SLC5A4: variants seen among roughly 807,000 people sequenced by gnomAD.
The protein encoded by SLC5A4 is solute carrier family 5 member 4, also known as probable glucose sensor protein SLC5A4.
Under a neutral mutation model 70.3 loss-of-function variants are expected in SLC5A4, and 55 were observed. That is an observed-to-expected ratio of 0.78 (90% CI 0.63 to 0.98). The LOEUF is 0.98. Among genes scored for constraint, SLC5A4 ranks in the 50% least tolerant of loss-of-function variants. SLC5A4 has a pLI of 0.00. For synonymous variants in SLC5A4, 268 were observed against 305.7 expected, an observed-to-expected ratio of 0.88 and a Z score of 1.29; for missense variants, 735 against 839.2, an observed-to-expected ratio of 0.88 and a Z score of 1.53.
At chr22:32,330,826 GT>G in the SLC5A4 span, among the ~76,000 whole-genome samples, 1 of 72,818 alleles carries the variant, frequency 1.4e-5, no homozygotes, top group Admixed American at 1.6e-4. Context: ...GGAGGCTCTG[GT>G]GTGTGTGTGT....
At chr22:32,290,158 T>C in the SLC5A4 span, among the ~76,000 whole-genome samples, 2 of 152,206 alleles carry the variant, frequency 1.3e-5, no homozygotes, top group South Asian at 2.1e-4. Flanking sequence ...AGTACACATG[T>C]GCCGTGGTGG....
At chr22:32,295,064 T>C in the SLC5A4 span, among the ~76,000 whole-genome samples, 1 of 98,840 alleles carries the variant, frequency 1.0e-5, no homozygotes, top group Non-Finnish European at 2.2e-5. Context: ...CAGTCTATCA[T>C]TGTTGGACAT....
the SLC5A4 span, chr22:32,273,048 A>C: frequency 1.3e-3 from 664 of 528,220 alleles, 4 homozygotes; most frequent in African/African-American, 0.012. Flanking sequence ...GAAGATCAGC[A>C]CCATATCCGA....
intron 3 of SLC5A4, among the ~76,000 whole-genome samples, chr22:32,249,586 G>A (rs926031321): frequency 2.0e-5 from 3 of 152,226 alleles, no homozygotes; most frequent in Non-Finnish European, 4.4e-5. Flanking sequence ...CAGGGGAGGG[G>A]CACAGGTATG....
chr22:32,225,192 C>T (rs1925319267), intron 12 of SLC5A4, among the ~76,000 whole-genome samples: 1 of 152,178 alleles, frequency 6.6e-6, no homozygotes, highest in Non-Finnish European at 1.5e-5. Context: ...TTACATATAT[C>T]ACAATAGTAA....
At chr22:32,292,246 T>C in the SLC5A4 span, among the ~76,000 whole-genome samples, 12 of 115,812 alleles carry the variant, frequency 1.0e-4, no homozygotes, top group East Asian at 1.8e-3. Context: ...ATATATAATA[T>C]ATACTAGATA....
At chr22:32,222,245 A>G (rs1392129980) in intron 13 of SLC5A4, among the ~76,000 whole-genome samples, 1 of 152,058 alleles carries the variant, frequency 6.6e-6, no homozygotes, top group African/African-American at 2.4e-5. Context: ...TATTCACAGG[A>G]TTTCTTGTAT....
chr22:32,239,618 T>C (rs1926386903), intron 5 of SLC5A4, among the ~76,000 whole-genome samples: 3 of 122,992 alleles, frequency 2.4e-5, no homozygotes, highest in Non-Finnish European at 3.3e-5. Context: ...ATATGTATAA[T>C]ATATAAAATA....
chr22:32,338,417 G>A, the SLC5A4 span, among the ~76,000 whole-genome samples: 1 of 152,202 alleles, frequency 6.6e-6, no homozygotes, highest in Non-Finnish European at 1.5e-5. Flanking sequence ...GGGAGGCCGA[G>A]GCAGGTGGAT....
the SLC5A4 span, among the ~76,000 whole-genome samples, chr22:32,268,945 G>T: frequency 3.3e-5 from 5 of 152,196 alleles, no homozygotes; most frequent in Non-Finnish European, 7.3e-5. Context: ...CGCCCAGGCT[G>T]AGTGCAGTGG....
chr22:32,235,600 T>A (rs1203559793), intron 7 of SLC5A4, among the ~76,000 whole-genome samples: 1 of 151,988 alleles, frequency 6.6e-6, no homozygotes, highest in Non-Finnish European at 1.5e-5. Context: ...CCTGTTACAA[T>A]AAAAAATTGG....
At chr22:32,254,526 C>T (rs923824318) in intron 1 of SLC5A4, among the ~76,000 whole-genome samples, 5 of 152,068 alleles carry the variant, frequency 3.3e-5, no homozygotes, top group South Asian at 2.1e-4. Flanking sequence ...CAGTCTCGGC[C>T]GGGCACGGTG....
At chr22:32,270,191 C>A in the SLC5A4 span, 1 of 666,022 alleles carries the variant, frequency 1.5e-6, no homozygotes. Flanking sequence ...TGGCCACCTA[C>A]CTTTGAGGTG....
the SLC5A4 span, among the ~76,000 whole-genome samples, chr22:32,310,722 A>C: frequency 6.6e-6 from 1 of 152,250 alleles, no homozygotes; most frequent in Admixed American, 6.5e-5. Context: ...TGGGCAAGCC[A>C]CTTGACCCGG....
At chr22:32,349,202 T>C in the SLC5A4 span, among the ~76,000 whole-genome samples, 11 of 152,210 alleles carry the variant, frequency 7.2e-5, no homozygotes, top group African/African-American at 1.9e-4. Flanking sequence ...CTCGATCTCC[T>C]GACCTCATGA....
At chr22:32,235,409 C>A (rs931171050) in intron 7 of SLC5A4, among the ~76,000 whole-genome samples, 1 of 152,114 alleles carries the variant, frequency 6.6e-6, no homozygotes. Flanking sequence ...TGTCTCACAA[C>A]CATTTAGAGC....
the SLC5A4 span, among the ~76,000 whole-genome samples, chr22:32,261,256 T>C: frequency 1.3e-5 from 2 of 152,182 alleles, no homozygotes; most frequent in Admixed American, 6.5e-5. Flanking sequence ...GCAGTTCAGG[T>C]CCTGGGTCAG....
At chr22:32,272,430 C>G in the SLC5A4 span, 44,279 of 861,694 alleles carry the variant, frequency 0.051, 2,165 homozygotes, top group Admixed American at 0.19. Context: ...ACAGGCAGCT[C>G]TACATCCACC....
chr22:32,330,563 CTG>C, the SLC5A4 span, among the ~76,000 whole-genome samples: 4 of 87,194 alleles, frequency 4.6e-5, no homozygotes, highest in Admixed American at 1.6e-4. Context: ...GTTTTGGGCT[CTG>C]TGTGTGTTGG....
Sources: allele counts gnomAD v4.1 joint callset (sites outside exome capture counted in the v4.1 genomes callset), GRCh38; gene constraint gnomAD v4.1.1; transcripts MANE v1.5; gene names NCBI Gene and HGNC (gene_info 2026-07-23, HGNC 2026-07-21).